The following TAX1BP3 variants were observed in gnomAD, a reference collection of about 807,000 sequenced individuals.
TAX1BP3 encodes tax1-binding protein 3.
In TAX1BP3, 13 loss-of-function variants were observed where a neutral mutation model predicts 15.3. The observed-to-expected ratio is 0.85, with a 90% CI of 0.55 to 1.35. TAX1BP3 has a LOEUF of 1.35. TAX1BP3 is among the 40% of genes most tolerant of loss of function. TAX1BP3 has a pLI of 0.00. For synonymous variants in TAX1BP3, 70 were observed against 66.0 expected, an observed-to-expected ratio of 1.06 and a Z score of -0.30; for missense variants, 147 against 169.6, an observed-to-expected ratio of 0.87 and a Z score of 0.74.
chr17:3,664,900 C>A, intron 1 of TAX1BP3, 102 bp from the exon 2 acceptor site: 1 of 1,501,488 alleles, frequency 6.7e-7, no homozygotes, highest in Admixed American at 2.1e-5. Flanking sequence ...GGGCTGGGTC[C>A]CAGGCCCCTG....
chr17:3,666,995 T>G (rs1263077938), intron 1 of TAX1BP3, among the ~76,000 whole-genome samples: 1 of 152,108 alleles, frequency 6.6e-6, no homozygotes, highest in Non-Finnish European at 1.5e-5. Context: ...CCTGCCCCCC[T>G]TCTACCTAAA....
chr17:3,664,110 G>A, intron 3 of TAX1BP3, 85 bp downstream of exon 3: 1 of 1,556,560 alleles, frequency 6.4e-7, no homozygotes, highest in Non-Finnish European at 8.8e-7. Context: ...TCTCCCAGCT[G>A]GGAGGCTGGG....
chr17:3,664,326 C>G, intron 2 of TAX1BP3, 54 bp from the exon 3 acceptor site: 1 of 1,602,984 alleles, frequency 6.2e-7, no homozygotes, highest in Non-Finnish European at 8.5e-7. Context: ...GGCCCCTTAT[C>G]ACACAGCGGA....
chr17:3,664,917 T>A (rs2076322191), intron 1 of TAX1BP3, 119 bp from the exon 2 acceptor site: 2 of 1,416,564 alleles, frequency 1.4e-6, no homozygotes, highest in South Asian at 2.8e-5. Flanking sequence ...CCTGCAGGAA[T>A]CCAGCTGCTC....
intron 2 of TAX1BP3, 186 bp downstream of exon 2, chr17:3,664,491 GCT>G: frequency 1.0e-6 from 1 of 974,654 alleles, no homozygotes; most frequent in Non-Finnish European, 1.6e-6. Flanking sequence ...CTCCTCCTGG[GCT>G]CTGTCTGAGC....
At chr17:3,664,839 G>T in intron 1 of TAX1BP3, 41 bp from the exon 2 acceptor site, 1 of 1,600,568 alleles carries the variant, frequency 6.2e-7, no homozygotes, top group South Asian at 1.1e-5. Context: ...TGGGTGGTTG[G>T]AGAATTAGGC....
intron 1 of TAX1BP3, chr17:3,665,437 G>T: frequency 6.9e-7 from 1 of 1,441,072 alleles, no homozygotes; most frequent in Non-Finnish European, 9.7e-7. Context: ...CATGCTGTTG[G>T]CATTGTTGTA....
chr17:3,664,564 G>A (rs768537045), intron 2 of TAX1BP3, 115 bp downstream of exon 2: 1 of 1,429,890 alleles, frequency 7.0e-7, no homozygotes, highest in Non-Finnish European at 9.8e-7. Flanking sequence ...CCTTCTTAGA[G>A]AGCATGGTTT....
chr17:3,665,628 G>A, intron 1 of TAX1BP3: 3 of 1,188,746 alleles, frequency 2.5e-6, no homozygotes, highest in Non-Finnish European at 2.5e-6. Flanking sequence ...TCCACCCAGG[G>A]AAGCACACTT....
At chr17:3,667,881 A>G (rs2076358314) in intron 1 of TAX1BP3, among the ~76,000 whole-genome samples, 1 of 152,226 alleles carries the variant, frequency 6.6e-6, no homozygotes, top group African/African-American at 2.4e-5. Context: ...AAGTGCCAGG[A>G]GGGAGGCCTG....
chr17:3,666,796 G>A lies in TAX1BP3; in HGVS notation c.39+1692C>T, dbSNP rs577427902. 1.7e-4 allele frequency among the ~76,000 whole-genome samples: 26 copies of A among 152,268 alleles called. No individual in the cohort carries two copies. In the East Asian group the frequency reaches 3.9e-3, roughly 23 times the overall value. On this transcript the variant is annotated intron_variant, in intron 1 of 3. Transcript: ENST00000225525. The stretch of plus-strand genomic sequence containing the variant: ...GGAAGGCCCTGGGACCAGTTATGGC[G>A]TGAGGGAGGGGGGCAGGAAGCATGA...
At chr17:3,665,507 A>G (rs186961722) in intron 1 of TAX1BP3, 1 of 1,349,912 alleles carries the variant, frequency 7.4e-7, no homozygotes, top group Non-Finnish European at 1.0e-6. Flanking sequence ...TTGAGCACAT[A>G]AAGCACTCTA....
chr17:3,667,625 G>A (rs1290365359), intron 1 of TAX1BP3, among the ~76,000 whole-genome samples: 4 of 151,982 alleles, frequency 2.6e-5, no homozygotes, highest in Non-Finnish European at 5.9e-5. Flanking sequence ...CTCATTCTCT[G>A]AACGCTGTCG....
chr17:3,667,022 TTC>T (rs1282110908), intron 1 of TAX1BP3, among the ~76,000 whole-genome samples: 1 of 152,098 alleles, frequency 6.6e-6, no homozygotes, highest in Admixed American at 6.5e-5. Context: ...ACCTGGTGCC[TTC>T]TCTCTGGGGC....
At position 3,663,732 on chromosome 17, in the gene TAX1BP3, C is replaced by T; in HGVS notation, c.*16G>A. The T allele has an allele frequency of 6.3e-7, 1 of 1,592,282 alleles. No homozygotes were observed. On this transcript the variant is annotated 3_prime_UTR_variant, in exon 4 of 4. Transcript: ENST00000225525. ...ACAGAGAGGCGGCAGGCAGGAGTCG[C>T]AGATGGTGGTGGCTGCTAGGACAGC...
intron 2 of TAX1BP3, 159 bp from the exon 3 acceptor site, chr17:3,664,431 G>T: frequency 9.9e-7 from 1 of 1,005,492 alleles, no homozygotes; most frequent in Non-Finnish European, 1.5e-6. Context: ...GAGAGCCGGG[G>T]CAGAGTTGCT....
At chr17:3,664,407 G>T in intron 2 of TAX1BP3, 135 bp from the exon 3 acceptor site, 1 of 1,136,252 alleles carries the variant, frequency 8.8e-7, no homozygotes, top group Non-Finnish European at 1.3e-6. Context: ...TATGGTCAGT[G>T]AGGACTGTTC....
chr17:3,663,807 G>C lies in TAX1BP3; in HGVS notation c.316C>G (p.Arg106Gly), dbSNP rs1415649013. 1 of 1,608,890 alleles carries C rather than the reference G, an allele frequency of 6.2e-7. No homozygotes were observed. Among genetic ancestry groups the C allele is most frequent in the East Asian group, 2.2e-5 (1 of 44,870 alleles). ...AGCGACTGCCGCGTCACCAGCAGACGCACCACCTCCTCCGAGCGCTTGGTG... is the reference window on the plus strand; with the variant it reads ...AGCGACTGCCGCGTCACCAGCAGACCCACCACCTCCTCCGAGCGCTTGGTG... ...RLTKRSEEVV[R>G]LLVTRQSLQK... The change falls in exon 4 of 4, where the codon CGT (arginine) becomes GGT (glycine). Residue 106 changes from arginine to glycine, a missense_variant. Arg to Gly is a moderately radical substitution (Grantham distance 125, BLOSUM62 -2). Coordinates refer to ENST00000225525, the MANE Select transcript of TAX1BP3 (RefSeq NM_014604.4).
Position 3,664,421 on chromosome 17 carries a change from G to GAA in TAX1BP3, c.160-150_160-149insTT, listed in dbSNP as rs1226834028. The stretch of plus-strand genomic sequence containing the variant: ...ATATGGTCAGTGAGGACTGTTCTGA[G>GAA]AGAGCCGGGGCAGAGTTGCTGCACC... On this transcript the variant is annotated intron_variant, in intron 2 of 3. Transcript: ENST00000225525. 5.3e-5 allele frequency: 56 copies of GAA among 1,049,308 alleles called. No individual in the cohort carries two copies. In the Admixed American group the frequency reaches 1.1e-3, roughly 21 times the overall value. The allele number at this position is 1,049,308 out of a possible 1,614,324, so 65.0% of individuals were successfully genotyped here.
Sources: allele counts gnomAD v4.1 joint callset (sites outside exome capture counted in the v4.1 genomes callset), GRCh38; gene constraint gnomAD v4.1.1; transcripts MANE v1.5; gene names NCBI Gene and HGNC (gene_info 2026-07-23, HGNC 2026-07-21).